The following CCPG1 variants were observed in gnomAD, a reference collection of about 807,000 sequenced individuals.
CCPG1 encodes cell cycle progression 1, also known as cell cycle progression protein 1.
Under a neutral mutation model 81.3 loss-of-function variants are expected in CCPG1, and 46 were observed. The ratio of observed to expected loss-of-function variants is 0.57; its 90% CI spans 0.45 to 0.72. The LOEUF (loss-of-function observed/expected upper bound fraction) is 0.72, where lower values mean the gene tolerates loss of function less well. Ranked by LOEUF, CCPG1 falls within the 30% of genes least tolerant of loss-of-function variation. The pLI, the probability that CCPG1 is intolerant of heterozygous loss-of-function variation, is 0.00. For synonymous variants in CCPG1, 330 were observed against 305.2 expected, an observed-to-expected ratio of 1.08 and a Z score of -0.85; for missense variants, 902 against 937.6, an observed-to-expected ratio of 0.96 and a Z score of 0.50.
At chr15:55,378,606 A>ATT (rs11370083) in intron 3 of CCPG1, among the ~76,000 whole-genome samples, 94 of 146,690 alleles carry the variant, frequency 6.4e-4, no homozygotes, top group African/African-American at 1.1e-3. Context: ...ATCATTTAAG[A>ATT]TTTTTTTTTT....
At chr15:55,400,285 C>A (rs994927667) in intron 1 of CCPG1, among the ~76,000 whole-genome samples, 1 of 142,624 alleles carries the variant, frequency 7.0e-6, no homozygotes, top group East Asian at 2.1e-4. Flanking sequence ...CCGAAGTGGG[C>A]GGATCACGAG....
At chr15:55,358,813 G>A (rs8031507) in intron 8 of CCPG1, 104,198 of 978,032 alleles carry the variant, frequency 0.11, 8,372 homozygotes, top group African/African-American at 0.4. Flanking sequence ...CCAGCTTAAT[G>A]ACTAAAGACA....
At chr15:55,395,345 G>A (rs2056996098) in intron 1 of CCPG1, among the ~76,000 whole-genome samples, 1 of 151,698 alleles carries the variant, frequency 6.6e-6, no homozygotes, top group African/African-American at 2.4e-5. Context: ...CAGTGAATAT[G>A]AAAGCCCCCT....
intron 3 of CCPG1, among the ~76,000 whole-genome samples, chr15:55,382,413 GA>G (rs1285083891): frequency 6.6e-6 from 1 of 151,956 alleles, no homozygotes; most frequent in African/African-American, 2.4e-5. Context: ...TGCATCTCAA[GA>G]AACTACTTTC....
chr15:55,382,530 G>C (rs1376524055), intron 3 of CCPG1, among the ~76,000 whole-genome samples: 1 of 137,540 alleles, frequency 7.3e-6, no homozygotes, highest in African/African-American at 2.7e-5. Context: ...TTTTTTTTGA[G>C]ACAGAGTCTC....
At chr15:55,389,082 A>AAAAAAAAAAAAAAAAC (rs1269549485) in intron 2 of CCPG1, among the ~76,000 whole-genome samples, 1 of 150,148 alleles carries the variant, frequency 6.7e-6, no homozygotes, top group African/African-American at 2.4e-5. Context: ...AAAAAAAAAA[A>AAAAAAAAAAAAAAAAC]AAAAAAAGAC....
chr15:55,358,911 G>C, intron 8 of CCPG1: 1 of 960,674 alleles, frequency 1.0e-6, no homozygotes, highest in Non-Finnish European at 1.2e-6. Context: ...GCTAACATTT[G>C]AAGATTAGGT....
chr15:55,381,343 C>G (rs2056689808), intron 3 of CCPG1, among the ~76,000 whole-genome samples: 1 of 150,566 alleles, frequency 6.6e-6, no homozygotes, highest in Admixed American at 6.6e-5. Flanking sequence ...ACACAGGAGG[C>G]TGAGACTTGA....
chr15:55,358,545 T>G, intron 8 of CCPG1: 1 of 985,442 alleles, frequency 1.0e-6, no homozygotes, highest in Non-Finnish European at 1.2e-6. Flanking sequence ...CCAAATGACC[T>G]TCCTTTTAAG....
At chr15:55,388,005 G>T (rs1259509309) in intron 2 of CCPG1, among the ~76,000 whole-genome samples, 2 of 151,760 alleles carry the variant, frequency 1.3e-5, no homozygotes, top group Non-Finnish European at 2.9e-5. Context: ...TACAAAATTA[G>T]TCGGGCGTGG....
At chr15:55,403,266 AAAT>A (rs1423199136) in intron 1 of CCPG1, among the ~76,000 whole-genome samples, 2 of 152,318 alleles carry the variant, frequency 1.3e-5, no homozygotes, top group East Asian at 3.9e-4. Flanking sequence ...AGAAAATTAT[AAAT>A]AATAACTTCC....
intron 1 of CCPG1, among the ~76,000 whole-genome samples, chr15:55,407,048 C>G (rs1450042983): frequency 6.8e-6 from 1 of 147,530 alleles, no homozygotes; most frequent in Non-Finnish European, 1.5e-5. Context: ...CCCCCCCCCC[C>G]GCCCCGCCGT....
chr15:55,403,451 T>A (rs539904275), intron 1 of CCPG1, among the ~76,000 whole-genome samples: 1 of 150,078 alleles, frequency 6.7e-6, no homozygotes, highest in African/African-American at 2.5e-5. Context: ...CAGAAAAAAA[T>A]ACTTAACTCC....
chr15:55,361,029 A>C (rs547253098), intron 7 of CCPG1, 85 bp from the exon 8 acceptor site: 21 of 1,360,876 alleles, frequency 1.5e-5, no homozygotes, highest in Non-Finnish European at 2.0e-5. Flanking sequence ...ATACCCCATA[A>C]GCTTTTGTGT....
At chr15:55,378,973 T>G (rs906827114) in intron 3 of CCPG1, among the ~76,000 whole-genome samples, 5 of 151,602 alleles carry the variant, frequency 3.3e-5, no homozygotes, top group Non-Finnish European at 5.9e-5. Flanking sequence ...AATTACTTGA[T>G]CCAGTATGTT....
Position 55,385,678 on chromosome 15 carries a change from T to C in CCPG1, c.97A>G (p.Thr33Ala). Residue 33 changes from threonine (T) to alanine (A), a missense_variant, in exon 3 of 9, where the codon ACT becomes GCT. Thr to Ala is a moderately conservative substitution (Grantham distance 58, BLOSUM62 0). Around this residue, in one of 3 missense-constraint regions of CCPG1, gnomAD observed 28 missense variants for 47.8 expected, o/e 0.59. Transcript: ENST00000442196. Reference sequence around the variant, plus strand: ...TCTGGGGCGGGCTCACAGCTGTCAGTGGGGGTCACAGAATTCAACATTTCT... The same window carrying C: ...TCTGGGGCGGGCTCACAGCTGTCAGCGGGGGTCACAGAATTCAACATTTCT... Reference protein sequence around the residue: ...DIEMLNSVTPTDSCEPAPECS... With the variant: ...DIEMLNSVTPADSCEPAPECS... 1 of 1,611,724 alleles carries C rather than the reference T, an allele frequency of 6.2e-7. No individual in the cohort carries two copies. The highest frequency in any genetic ancestry group is 1.1e-5 in the South Asian group (1 of 90,990).
intron 1 of CCPG1, among the ~76,000 whole-genome samples, chr15:55,400,370 T>C (rs1184147930): frequency 6.6e-6 from 1 of 151,794 alleles, no homozygotes; most frequent in Non-Finnish European, 1.5e-5. Context: ...TAGCCAGGCA[T>C]GATGGTGCGT....
At chr15:55,396,647 G>A (rs2057022241) in intron 1 of CCPG1, among the ~76,000 whole-genome samples, 2 of 152,164 alleles carry the variant, frequency 1.3e-5, no homozygotes, top group South Asian at 2.1e-4. Flanking sequence ...GTCAAACCCT[G>A]TAAAATATTT....
At chr15:55,369,211 A>G (rs1197650951) in intron 6 of CCPG1, among the ~76,000 whole-genome samples, 1 of 151,842 alleles carries the variant, frequency 6.6e-6, no homozygotes, top group East Asian at 2.0e-4. Flanking sequence ...ATCAACTCCA[A>G]AGAATGTTGA....
Sources: allele counts gnomAD v4.1 joint callset (sites outside exome capture counted in the v4.1 genomes callset), GRCh38; gene constraint gnomAD v4.1.1; regional missense constraint gnomAD v4.1.1; transcripts MANE v1.5; gene names NCBI Gene and HGNC (gene_info 2026-07-23, HGNC 2026-07-21).